MYH15: variants seen among roughly 807,000 people sequenced by gnomAD.
MYH15 encodes the protein myosin heavy chain 15.
Under a neutral mutation model 240.5 loss-of-function variants are expected in MYH15, and 227 were observed. That is an observed-to-expected ratio of 0.94 (90% confidence interval 0.85 to 1.05). MYH15 has a LOEUF of 1.05. Ranked by LOEUF, MYH15 falls within the 50% of genes least tolerant of loss-of-function variation. MYH15 has a pLI of 0.00. For synonymous variants in MYH15, 785 were observed against 796.7 expected (o/e 0.99, Z 0.25); for missense variants, 2,217 against 2,247.5 (o/e 0.99, Z 0.27).
chr3:108,483,045 T>C (rs1221624440), intron 11 of MYH15, among the ~76,000 whole-genome samples: 1 of 151,772 alleles, frequency 6.6e-6, no homozygotes, highest in Admixed American at 6.6e-5. Flanking sequence ...AATATAAAAA[T>C]TAGCCCAGTG....
At chr3:108,452,654 AGTAAAG>A (rs1339289880) in intron 21 of MYH15, among the ~76,000 whole-genome samples, 1 of 152,212 alleles carries the variant, frequency 6.6e-6, no homozygotes, top group Non-Finnish European at 1.5e-5. Context: ...ATATCGAGTA[AGTAAAG>A]GTATGAAAAC....
At position 108,456,781 on chromosome 3, in the gene MYH15, G is replaced by C; in HGVS notation, c.2123C>G (p.Ala708Gly). ...REGFPNRLQY[A>G]DFKQRYCILN... ...GTAGGTTTACCTTTGTTTAAAATCAGCATACTGCAGTCGGTTTGGAAAACC... is the reference window on the plus strand; with the variant it reads ...GTAGGTTTACCTTTGTTTAAAATCACCATACTGCAGTCGGTTTGGAAAACC... The change falls in exon 19 of 41, where the codon GCT (alanine) becomes GGT (glycine). Residue 708 changes from alanine (A) to glycine (G), a missense_variant. Coordinates refer to ENST00000693548, the MANE Select transcript of MYH15 (RefSeq NM_014981.3). 2 of 1,611,088 alleles carry C rather than the reference G, an allele frequency of 1.2e-6. No homozygotes were observed. The highest frequency in any genetic ancestry group is 1.7e-6 in the Non-Finnish European group (2 of 1,177,478).
intron 30 of MYH15, among the ~76,000 whole-genome samples, chr3:108,413,182 C>T (rs1182341705): frequency 1.3e-5 from 2 of 152,192 alleles, no homozygotes; most frequent in African/African-American, 4.8e-5. Flanking sequence ...GAAGTAAATA[C>T]CATATTTGGA....
rs1313975769 is a variant in MYH15, at chr3:108,464,705, A to G, written c.1664T>C (p.Leu555Pro). The change falls in exon 15 of 41, where the codon CTC becomes CCC. Residue 555 changes from leucine (L) to proline (P), a missense_variant. Leu to Pro is a moderately conservative substitution (Grantham distance 98, BLOSUM62 -3). Transcript: ENST00000693548. Reference sequence around the variant, plus strand: ...CTTCTTATCAGGCTTGGGCTTCTGGAGATGAACCGACTTTCCAAAATGGTT... The same window carrying G: ...CTTCTTATCAGGCTTGGGCTTCTGGGGATGAACCGACTTTCCAAAATGGTT... ...FDNHFGKSVH[L>P]QKPKPDKKKF... 9.3e-6 allele frequency: 15 copies of G among 1,613,994 alleles called. No homozygotes were observed. The highest frequency in any genetic ancestry group is 1.2e-5 in the Non-Finnish European group (14 of 1,179,892).
chr3:108,444,792 A>C lies in MYH15; in HGVS notation c.2503T>G (p.Ser835Ala). ...FFKIKPLVKS[S>A]EVGEEVAGLK... ...CCAGCTACTTCTTCTCCTACTTCTG[A>C]AGATTTAACAAGAGGCTTGATCTTG... The change falls in exon 22 of 41, where the codon TCA (serine) becomes GCA (alanine). Residue 835 changes from serine to alanine, a missense_variant. Ser to Ala is a moderately conservative substitution (Grantham distance 99). Transcript: ENST00000693548. The C allele has an allele frequency of 6.2e-7, 1 of 1,614,086 alleles. No homozygotes were observed. Among genetic ancestry groups the C allele is most frequent in the Non-Finnish European group, 8.5e-7 (1 of 1,180,000 alleles).
rs904283205 is a variant in MYH15, at chr3:108,435,524, C to T, written c.3221+2030G>A. Among the ~76,000 whole-genome samples the T allele has an allele frequency of 4.6e-5, 7 of 151,916 alleles. No individual in the cohort carries two copies. The South Asian group carries it at 6.2e-4, about 14-fold the overall frequency. On this transcript the variant is annotated intron_variant, in intron 25 of 40. Transcript: ENST00000693548. ...TTCTATGAATTTGTTTCTATGAATTCGATTATTTTAGATACCTCTATCAGT... is the reference window on the plus strand; with the variant it reads ...TTCTATGAATTTGTTTCTATGAATTTGATTATTTTAGATACCTCTATCAGT...
At chr3:108,511,182 T>C (rs1369884067), upstream of MYH15, among the ~76,000 whole-genome samples, 1 of 151,942 alleles carries the variant, frequency 6.6e-6, no homozygotes, top group Non-Finnish European at 1.5e-5. Flanking sequence ...AGACAGAGTA[T>C]GGTTACAAAG....
chr3:108,392,951 G>A (rs115902945), intron 36 of MYH15, among the ~76,000 whole-genome samples: 520 of 152,230 alleles, frequency 3.4e-3, no homozygotes, highest in African/African-American at 0.012. Flanking sequence ...CAGAATATCC[G>A]CCTTGATACA....
chr3:108,524,309 T>A (rs915969132), intron 1 of MYH15, among the ~76,000 whole-genome samples: 1 of 152,034 alleles, frequency 6.6e-6, no homozygotes, highest in Admixed American at 6.6e-5. Flanking sequence ...AATTTGAACA[T>A]CTTTTCGAAT....
At chr3:108,417,327 A>G (rs770587065) in intron 28 of MYH15, among the ~76,000 whole-genome samples, 5 of 152,212 alleles carry the variant, frequency 3.3e-5, no homozygotes, top group Non-Finnish European at 5.9e-5. Flanking sequence ...ACAGAAACAT[A>G]CACAGTTCGT....
intron 2 of MYH15, among the ~76,000 whole-genome samples, chr3:108,504,318 G>A (rs2083458238): frequency 6.6e-6 from 1 of 152,172 alleles, no homozygotes; most frequent in Admixed American, 6.5e-5. Context: ...ACCTATTTAT[G>A]TTCCAGTTAA....
intron 1 of MYH15, among the ~76,000 whole-genome samples, chr3:108,518,124 G>C (rs933154287): frequency 6.6e-6 from 1 of 152,142 alleles, no homozygotes; most frequent in Admixed American, 6.5e-5. Context: ...TCACACACCA[G>C]GAACTAGGTT....
upstream of MYH15, among the ~76,000 whole-genome samples, chr3:108,514,678 C>A (rs922199697): frequency 3.3e-5 from 5 of 152,034 alleles, no homozygotes; most frequent in African/African-American, 1.2e-4. Context: ...AGAAAAGAAG[C>A]CCAGAGGGGG....
chr3:108,486,547 G>A lies in MYH15; in HGVS notation c.872-21C>T, dbSNP rs371853128. 9.8e-4 allele frequency: 1,488 copies of A among 1,525,014 alleles called. 5 individuals are homozygous for A. The highest frequency in any genetic ancestry group is 1.1e-3 in the Non-Finnish European group (1,165 of 1,103,926). 94.5% of individuals were successfully genotyped at this position (1,525,014 alleles called of 1,614,324 possible). ...CAGGTCTAGAGTGGGAAAACGATTC[G>A]TTAAACAGCTTAAAGAAATCTGCAA... is the stretch of plus-strand genomic sequence containing the variant. On this transcript the variant is annotated intron_variant, in intron 9 of 40. Coordinates refer to ENST00000693548, the MANE Select transcript of MYH15 (RefSeq NM_014981.3).
At chr3:108,463,074 C>A in intron 16 of MYH15, 37 bp downstream of exon 16, 1 of 1,573,114 alleles carries the variant, frequency 6.4e-7, no homozygotes. Flanking sequence ...GGGTTCCATT[C>A]TGAGGCTGAA....
At chr3:108,531,002 A>C (rs1025134251), upstream of MYH15, among the ~76,000 whole-genome samples, 19 of 152,338 alleles carry the variant, frequency 1.2e-4, no homozygotes, top group African/African-American at 4.6e-4. Flanking sequence ...TCAGTGAAGC[A>C]CAATTTGAGA....
upstream of MYH15, among the ~76,000 whole-genome samples, chr3:108,515,316 C>T (rs2083552786): frequency 6.6e-6 from 1 of 152,154 alleles, no homozygotes; most frequent in Non-Finnish European, 1.5e-5. Flanking sequence ...CATGGTGCCA[C>T]ATGCACGCTA....
chr3:108,416,788 A>G (rs1293202749), intron 29 of MYH15, 24 bp downstream of exon 29: 4 of 1,532,510 alleles, frequency 2.6e-6, no homozygotes, highest in Non-Finnish European at 3.6e-6. Flanking sequence ...TCAAGAAACT[A>G]GTGAGAAATA....
At chr3:108,539,503 A>AT in the MYH15 span, among the ~76,000 whole-genome samples, 1 of 152,220 alleles carries the variant, frequency 6.6e-6, no homozygotes, top group Non-Finnish European at 1.5e-5. Flanking sequence ...TAGAAAAATG[A>AT]TAAAGTAATA....
Sources: allele counts gnomAD v4.1 joint callset (sites outside exome capture counted in the v4.1 genomes callset), GRCh38; gene constraint gnomAD v4.1.1; transcripts MANE v1.5; gene names NCBI Gene and HGNC (gene_info 2026-07-23, HGNC 2026-07-21).